The following FOXP2 variants were observed in gnomAD, a reference collection of about 807,000 sequenced individuals.
The protein encoded by FOXP2 is forkhead box protein P2.
A neutral mutation model predicts 115.8 loss-of-function variants in FOXP2; 12 were observed. That is an observed-to-expected ratio of 0.10 (90% CI 0.07 to 0.17). The LOEUF (loss-of-function observed/expected upper bound fraction) is 0.17. Ranked by LOEUF, FOXP2 falls within the 10% of genes least tolerant of loss-of-function variation. FOXP2 has a pLI of 1.00. For synonymous variants in FOXP2, 328 were observed against 297.7 expected, an observed-to-expected ratio of 1.10 and a Z score of -1.05; for missense variants, 629 against 843.5, an observed-to-expected ratio of 0.75 and a Z score of 3.15.
chr7:114,144,092 A>C (rs112424025), intron 1 of FOXP2, among the ~76,000 whole-genome samples: 1 of 152,138 alleles, frequency 6.6e-6, no homozygotes, highest in Non-Finnish European at 1.5e-5. Context: ...GATTTTGCCC[A>C]TCTGCAGGCT....
intron 6 of FOXP2, among the ~76,000 whole-genome samples, chr7:114,634,780 T>C (rs1001691424): frequency 6.6e-6 from 1 of 152,136 alleles, no homozygotes; most frequent in African/African-American, 2.4e-5. Context: ...AACATTTTAA[T>C]GAACCAGGAT....
rs142038208 is a variant in FOXP2 at position 114,095,884 on chromosome 7, T to A, written c.-247+8046T>A. Among the ~76,000 whole-genome samples the A allele has an allele frequency of 2.8e-3, 426 of 152,334 alleles. 3 individuals are homozygous for A. Among genetic ancestry groups the A allele is most frequent in the African/African-American group, 9.9e-3 (412 of 41,580 alleles). ...CATTAGAAGGAAACACAACTCCAAC[T>A]GTGGGAATACTACATATCTTTGCTG... On this transcript the variant is annotated intron_variant, in intron 1 of 19. Transcript: ENST00000635638.
At chr7:114,154,870 T>C (rs888653139) in intron 1 of FOXP2, among the ~76,000 whole-genome samples, 4 of 152,136 alleles carry the variant, frequency 2.6e-5, no homozygotes, top group Non-Finnish European at 5.9e-5. Context: ...AAAATACTTC[T>C]GTGAATTTCT....
chr7:114,509,212 G>C lies in FOXP2; in HGVS notation c.169-25405G>C, dbSNP rs541894884. 3.9e-5 allele frequency among the ~76,000 whole-genome samples: 6 copies of C among 152,172 alleles called. 1 individual carries two copies. The South Asian group carries it at 1.2e-3, about 32-fold the overall frequency. ...ACAGATTATATTCTAAACAAGACAG[G>C]AAGTCCTTGGAGGCCTTAGAAAAGG... is the stretch of plus-strand genomic sequence containing the variant. On this transcript the variant is annotated intron_variant, in intron 2 of 16. Transcript: ENST00000350908.
Position 114,291,998 on chromosome 7 carries a change from G to T in FOXP2, c.-11+3889G>T, listed in dbSNP as rs376908839. The stretch of plus-strand genomic sequence containing the variant: ...GATAATATATAGAATATATATTATA[G>T]ATAATATATAGATATAACATTAAAA... On this transcript the variant is annotated intron_variant, in intron 2 of 17. Transcript: ENST00000634411. 1.0e-4 allele frequency among the ~76,000 whole-genome samples: 13 copies of T among 124,684 alleles called. 2 individuals carry two copies. The highest frequency in any genetic ancestry group is 4.3e-4 in the African/African-American group (11 of 25,396). 81.8% of individuals were successfully genotyped at this position (124,684 alleles called of 152,430 possible).
chr7:114,199,287 A>G (rs1793995150), intron 1 of FOXP2, among the ~76,000 whole-genome samples: 1 of 152,254 alleles, frequency 6.6e-6, no homozygotes. Context: ...GACACATAAA[A>G]TTAACTATCA....
intron 2 of FOXP2, among the ~76,000 whole-genome samples, chr7:114,493,317 T>C (rs564082445): frequency 4.6e-5 from 7 of 152,286 alleles, no homozygotes; most frequent in African/African-American, 1.7e-4. Context: ...GCACGTGAGA[T>C]GGGTTTCCTG....
intron 2 of FOXP2, among the ~76,000 whole-genome samples, chr7:114,519,921 TAAC>T (rs1172973642): frequency 1.3e-5 from 2 of 152,158 alleles, no homozygotes; most frequent in Non-Finnish European, 2.9e-5. Context: ...TCCTTTCTGA[TAAC>T]AAACCAAAAT....
At chr7:114,462,774 G>GT (rs1384277476) in intron 2 of FOXP2, among the ~76,000 whole-genome samples, 4 of 152,168 alleles carry the variant, frequency 2.6e-5, no homozygotes, top group Non-Finnish European at 5.9e-5. Flanking sequence ...AGCTTTCTCT[G>GT]TAAGAGTAAC....
intron 1 of FOXP2, among the ~76,000 whole-genome samples, chr7:114,139,280 T>A (rs1792136724): frequency 6.6e-6 from 1 of 152,314 alleles, no homozygotes. Flanking sequence ...GCCTGTAGTT[T>A]TAACTGCTAG....
At chr7:114,224,899 T>C (rs1382236305) in intron 1 of FOXP2, among the ~76,000 whole-genome samples, 1 of 152,174 alleles carries the variant, frequency 6.6e-6, no homozygotes, top group Admixed American at 6.5e-5. Flanking sequence ...CTATTACTAG[T>C]TTTTAAAGAG....
chr7:114,422,408 C>T (rs1793660503), intron 1 of FOXP2, among the ~76,000 whole-genome samples: 1 of 151,696 alleles, frequency 6.6e-6, no homozygotes. Context: ...TATTAAGGCA[C>T]TAAGATTATA....
intron 16 of FOXP2, among the ~76,000 whole-genome samples, chr7:114,671,476 A>C (rs552298659): frequency 6.6e-6 from 1 of 152,300 alleles, no homozygotes; most frequent in South Asian, 2.1e-4. Flanking sequence ...AGTGTGTCAG[A>C]AAACTTTTAG....
chr7:114,280,500 G>T (rs1796306227), intron 1 of FOXP2, among the ~76,000 whole-genome samples: 1 of 151,998 alleles, frequency 6.6e-6, no homozygotes, highest in Non-Finnish European at 1.5e-5. Context: ...TGGTTTATGT[G>T]ACTTTAATAG....
chr7:114,431,271 A>G (rs1420498063), intron 2 of FOXP2, among the ~76,000 whole-genome samples: 3 of 151,902 alleles, frequency 2.0e-5, no homozygotes, highest in Admixed American at 6.6e-5. Context: ...CTCTCGCCCA[A>G]TTCCAGGGAT....
chr7:114,096,550 A>G (rs1799655989), intron 1 of FOXP2, among the ~76,000 whole-genome samples: 1 of 152,220 alleles, frequency 6.6e-6, no homozygotes, highest in African/African-American at 2.4e-5. Flanking sequence ...TCTAATTGGT[A>G]TTAGATTTTT....
intron 3 of FOXP2, among the ~76,000 whole-genome samples, chr7:114,555,522 C>A (rs1173863528): frequency 6.6e-6 from 1 of 152,166 alleles, no homozygotes; most frequent in Non-Finnish European, 1.5e-5. Flanking sequence ...AGGGGCTGGG[C>A]ACAGTGGCTC....
intron 16 of FOXP2, among the ~76,000 whole-genome samples, chr7:114,671,419 C>T (rs1266081259): frequency 2.0e-5 from 3 of 152,096 alleles, no homozygotes; most frequent in Non-Finnish European, 2.9e-5. Context: ...TAGAACTATA[C>T]AGATGATATC....
intron 1 of FOXP2, among the ~76,000 whole-genome samples, chr7:114,259,222 A>G (rs1052149222): frequency 6.6e-6 from 1 of 152,234 alleles, no homozygotes; most frequent in African/African-American, 2.4e-5. Context: ...GAAAAGCAAC[A>G]GAATTCAAAA....
Sources: gnomAD v4.1 joint callset for allele counts (sites outside exome capture counted in the v4.1 genomes callset) on GRCh38, gnomAD v4.1.1 for gene constraint, MANE v1.5 for transcripts, NCBI Gene and HGNC (gene_info 2026-07-23, HGNC 2026-07-21) for gene names.